Variants in CTNNA2 observed in about 807,000 individuals in gnomAD.
CTNNA2 encodes catenin alpha 2, also known as catenin alpha-2.
Under a neutral mutation model 101.0 loss-of-function variants are expected in CTNNA2, and 42 were observed. The ratio of observed to expected loss-of-function variants is 0.42; its 90% confidence interval spans 0.32 to 0.54. The LOEUF (loss-of-function observed/expected upper bound fraction) is 0.54, where lower values mean the gene tolerates loss of function less well. Ranked by LOEUF, CTNNA2 falls within the 20% of genes least tolerant of loss-of-function variation. The pLI, the probability that CTNNA2 is intolerant of heterozygous loss-of-function variation, is 0.14. For synonymous variants in CTNNA2, 450 were observed against 456.4 expected (o/e 0.99, Z 0.18); for missense variants, 871 against 1,223.1 (o/e 0.71, Z 4.29).
intron 3 of CTNNA2, among the ~76,000 whole-genome samples, chr2:79,316,897 A>G (rs1306497963): frequency 1.3e-5 from 2 of 151,826 alleles, no homozygotes; most frequent in South Asian, 2.1e-4. Context: ...ATTTTTTTCC[A>G]TCTAATTGCC....
chr2:80,502,432 T>A (rs1687948849), intron 9 of CTNNA2, among the ~76,000 whole-genome samples: 1 of 152,186 alleles, frequency 6.6e-6, no homozygotes, highest in South Asian at 2.1e-4. Flanking sequence ...CTGCCCACAA[T>A]GCAGGCCCTC....
chr2:79,294,040 C>T (rs1242013803), intron 2 of CTNNA2, among the ~76,000 whole-genome samples: 4 of 152,018 alleles, frequency 2.6e-5, no homozygotes, highest in Non-Finnish European at 4.4e-5. Context: ...CAAAGCTCTG[C>T]ACATGGGGTG....
chr2:79,397,389 A>G (rs567901849), intron 4 of CTNNA2, among the ~76,000 whole-genome samples: 7 of 152,200 alleles, frequency 4.6e-5, no homozygotes, highest in African/African-American at 1.7e-4. Flanking sequence ...TTTCCAGCCA[A>G]GGACAACATT....
At chr2:80,346,024 A>G (rs1313207104) in intron 7 of CTNNA2, among the ~76,000 whole-genome samples, 1 of 152,246 alleles carries the variant, frequency 6.6e-6, no homozygotes, top group African/African-American at 2.4e-5. Flanking sequence ...TATAAGAAAG[A>G]TAAAACTGGA....
chr2:79,247,727 C>T (rs536694791), intron 2 of CTNNA2, among the ~76,000 whole-genome samples: 1 of 152,156 alleles, frequency 6.6e-6, no homozygotes, highest in Non-Finnish European at 1.5e-5. Context: ...TCTGGATTTG[C>T]CAGGTGGGCC....
chr2:79,341,347 A>G (rs1677133075), intron 3 of CTNNA2, among the ~76,000 whole-genome samples: 1 of 152,222 alleles, frequency 6.6e-6, no homozygotes, highest in Admixed American at 6.5e-5. Flanking sequence ...TCATGCCTGT[A>G]AAATTCCCTA....
intron 3 of CTNNA2, among the ~76,000 whole-genome samples, chr2:79,815,287 T>A (rs897013018): frequency 1.3e-5 from 2 of 152,200 alleles, no homozygotes; most frequent in African/African-American, 2.4e-5. Flanking sequence ...AAGTCGCAAC[T>A]ATTTATCTTT....
At chr2:79,308,043 G>A (rs1158414532) in intron 2 of CTNNA2, among the ~76,000 whole-genome samples, 1 of 151,952 alleles carries the variant, frequency 6.6e-6, no homozygotes, top group Admixed American at 6.6e-5. Context: ...CAGATGATTT[G>A]TCCATTTTTA....
At chr2:80,229,797 C>T (rs189284869) in intron 7 of CTNNA2, among the ~76,000 whole-genome samples, 63 of 152,236 alleles carry the variant, frequency 4.1e-4, no homozygotes, top group African/African-American at 1.4e-3. Flanking sequence ...AACATAAACT[C>T]AGGTAAGGAT....
chr2:79,574,335 C>G (rs1675650619), intron 1 of CTNNA2: 2 of 152,066 alleles, frequency 1.3e-5, no homozygotes, highest in Non-Finnish European at 2.9e-5. Flanking sequence ...GCATAGTACT[C>G]AAAAGGTAGT....
chr2:79,617,062 C>T (rs554337860), intron 1 of CTNNA2, among the ~76,000 whole-genome samples: 8 of 152,066 alleles, frequency 5.3e-5, no homozygotes, highest in South Asian at 4.2e-4. Context: ...CCACCATACC[C>T]GGCTAATTTT....
chr2:79,412,353 A>C (rs1424594161), intron 4 of CTNNA2, among the ~76,000 whole-genome samples: 2 of 152,142 alleles, frequency 1.3e-5, no homozygotes, highest in East Asian at 3.9e-4. Flanking sequence ...GAAAGTTAAC[A>C]AGGATACCCA....
At chr2:80,517,216 A>T (rs1276465439) in intron 9 of CTNNA2, among the ~76,000 whole-genome samples, 1 of 152,234 alleles carries the variant, frequency 6.6e-6, no homozygotes, top group Admixed American at 6.5e-5. Flanking sequence ...TGCACCCAAA[A>T]CATGGAACAC....
intron 8 of CTNNA2, among the ~76,000 whole-genome samples, chr2:80,409,334 T>C (rs781441790): frequency 6.6e-6 from 1 of 152,082 alleles, no homozygotes; most frequent in Non-Finnish European, 1.5e-5. Flanking sequence ...GAAAGAAATG[T>C]AGAAACATTA....
At chr2:79,720,473 G>T (rs575287046) in intron 2 of CTNNA2, among the ~76,000 whole-genome samples, 4 of 152,008 alleles carry the variant, frequency 2.6e-5, no homozygotes, top group African/African-American at 9.7e-5. Flanking sequence ...ACCTCTAATT[G>T]CTTTAGGCAC....
At chr2:79,626,993 T>A (rs1259070778) in intron 1 of CTNNA2, among the ~76,000 whole-genome samples, 1 of 152,206 alleles carries the variant, frequency 6.6e-6, no homozygotes, top group African/African-American at 2.4e-5. Context: ...TAAAGAAGTA[T>A]AATTAGATTC....
intron 3 of CTNNA2, among the ~76,000 whole-genome samples, chr2:79,818,920 CAT>C (rs1352252578): frequency 4.9e-5 from 7 of 142,882 alleles, no homozygotes; most frequent in Non-Finnish European, 4.5e-5. Context: ...CACACACACA[CAT>C]ACACACAAAA....
At chr2:80,191,398 C>A (rs1706491615) in intron 7 of CTNNA2, among the ~76,000 whole-genome samples, 1 of 152,156 alleles carries the variant, frequency 6.6e-6, no homozygotes, top group Non-Finnish European at 1.5e-5. Context: ...TCAGTACTTG[C>A]TGTGTGCCAG....
chr2:79,335,486 G>A (rs541805211), intron 3 of CTNNA2, among the ~76,000 whole-genome samples: 1 of 152,288 alleles, frequency 6.6e-6, no homozygotes, highest in East Asian at 1.9e-4. Context: ...TTATGAATTT[G>A]TGTGTTCTAA....
Sources: allele counts gnomAD v4.1 joint callset (sites outside exome capture counted in the v4.1 genomes callset), GRCh38; gene constraint gnomAD v4.1.1; transcripts MANE v1.5; gene names NCBI Gene and HGNC (gene_info 2026-07-23, HGNC 2026-07-21).